Variants in MYO5A observed in about 807,000 individuals in gnomAD.
The protein encoded by MYO5A is unconventional myosin-Va.
In MYO5A, 98 loss-of-function variants were observed where a neutral mutation model predicts 249.7. The ratio of observed to expected loss-of-function variants is 0.39; its 90% CI spans 0.33 to 0.46. The LOEUF is 0.46. Among genes scored for constraint, MYO5A ranks in the 20% least tolerant of loss-of-function variants. The pLI is 0.98. For synonymous variants in MYO5A, 778 were observed against 810.6 expected (o/e 0.96, Z 0.68); for missense variants, 1,696 against 2,308.8 (o/e 0.73, Z 5.44).
intron 1 of MYO5A, among the ~76,000 whole-genome samples, chr15:52,453,666 T>A (rs114594340): frequency 0.015 from 2,233 of 152,244 alleles, 26 homozygotes; most frequent in Admixed American, 0.027. Context: ...ATATTAAATA[T>A]GTAAATTGAG....
chr15:52,327,730 T>C (rs2038678055), intron 36 of MYO5A, 122 bp downstream of exon 36: 2 of 1,076,864 alleles, frequency 1.9e-6, no homozygotes, highest in African/African-American at 1.6e-5. Flanking sequence ...GGTAAGTAAA[T>C]AAAAATTGGA....
At chr15:52,496,866 A>T (rs1372573497) in intron 1 of MYO5A, among the ~76,000 whole-genome samples, 2 of 152,232 alleles carry the variant, frequency 1.3e-5, no homozygotes, top group African/African-American at 4.8e-5. Flanking sequence ...GGTAGTCCTG[A>T]GTTGGCACAA....
chr15:52,447,051 T>A (rs573740412), intron 1 of MYO5A, among the ~76,000 whole-genome samples: 2 of 152,264 alleles, frequency 1.3e-5, no homozygotes, highest in African/African-American at 4.8e-5. Context: ...AAGGTGTGAT[T>A]GTATTTTGCA....
intron 1 of MYO5A, among the ~76,000 whole-genome samples, chr15:52,487,949 A>C (rs2076858317): frequency 1.3e-5 from 2 of 152,156 alleles, no homozygotes; most frequent in South Asian, 4.1e-4. Context: ...GTACCTGACA[A>C]TAGCAACATA....
At chr15:52,348,764 T>A (rs2039784009) in intron 29 of MYO5A, 54 bp downstream of exon 29, 6 of 1,392,436 alleles carry the variant, frequency 4.3e-6, no homozygotes, top group South Asian at 1.4e-5. Context: ...ACTTGTAAAC[T>A]AAAGTTAGGA....
chr15:52,451,895 T>C (rs1030955112), intron 1 of MYO5A, among the ~76,000 whole-genome samples: 3 of 152,248 alleles, frequency 2.0e-5, no homozygotes, highest in Admixed American at 6.5e-5. Context: ...ACCATGAAGA[T>C]AGGAAGATGT....
rs561485938 is a variant in MYO5A at position 52,375,443 on chromosome 15, C to A, written c.2438G>T (p.Arg813Leu). 1 of 1,613,990 alleles carries A rather than the reference C, an allele frequency of 6.2e-7. No individual in the cohort carries two copies. The highest frequency in any genetic ancestry group is 1.1e-5 in the South Asian group (1 of 91,070). ...AATGATGGTTGCTGCCTTGGTTCTG[C>A]GCAGAAACTTAGCATAGCTGGCCAA... ...YQARCYAKFL[R>L]RTKAATIIQK... The change falls in exon 20 of 42, where the codon CGC becomes CTC. Residue 813 changes from arginine to leucine, a missense_variant. This residue lies in a region of MYO5A where 412 missense variants were observed against 453.3 expected (regional missense o/e 0.91). Transcript: ENST00000399233.
intron 1 of MYO5A, among the ~76,000 whole-genome samples, chr15:52,454,268 G>C (rs1595713263): frequency 6.6e-6 from 1 of 152,212 alleles, no homozygotes; most frequent in African/African-American, 2.4e-5. Flanking sequence ...AAGTAACAAA[G>C]AAGGTCACTA....
At chr15:52,347,392 C>T (rs2039694301) in intron 29 of MYO5A, among the ~76,000 whole-genome samples, 2 of 152,174 alleles carry the variant, frequency 1.3e-5, no homozygotes, top group South Asian at 2.1e-4. Flanking sequence ...CTTCAGAACC[C>T]AGTGGCTTTG....
chr15:52,356,059 A>G (rs1369933625), intron 25 of MYO5A, among the ~76,000 whole-genome samples: 1 of 152,190 alleles, frequency 6.6e-6, no homozygotes, highest in Non-Finnish European at 1.5e-5. Flanking sequence ...ATGTTTACCT[A>G]AGGTTTTAAT....
chr15:52,484,406 A>G (rs1416043912), intron 1 of MYO5A, among the ~76,000 whole-genome samples: 1 of 152,172 alleles, frequency 6.6e-6, no homozygotes, highest in Admixed American at 6.5e-5. Flanking sequence ...TATTAAAGAC[A>G]AAAGTATTTT....
Position 52,425,785 on chromosome 15 carries a change from A to G in MYO5A, c.455+45T>C, listed in dbSNP as rs372573071. 2.1e-5 allele frequency: 33 copies of G among 1,601,434 alleles called. 1 individual carries two copies. Among genetic ancestry groups the G allele is most frequent in the Middle Eastern group, 3.3e-4 (2 of 6,060 alleles). On this transcript the variant is annotated intron_variant, in intron 4 of 41. Transcript: ENST00000399233. ...TGTGACTTAGCAAGAAGAAATTATC[A>G]TATCTAATAACTGCCATAAAATAAC...
chr15:52,380,823 G>A (rs1409309630), intron 16 of MYO5A, among the ~76,000 whole-genome samples: 2 of 152,158 alleles, frequency 1.3e-5, no homozygotes, highest in African/African-American at 2.4e-5. Flanking sequence ...TCATTTCATG[G>A]CATGGCCTGA....
chr15:52,325,704 C>T (rs1341894760), intron 36 of MYO5A, among the ~76,000 whole-genome samples: 1 of 151,864 alleles, frequency 6.6e-6, no homozygotes, highest in Non-Finnish European at 1.5e-5. Context: ...ACCCAGCCCA[C>T]TTTTAAACAA....
rs17541809 is a variant in MYO5A at position 52,370,725 on chromosome 15, G to C, written c.2818-308C>G. On this transcript the variant is annotated intron_variant, in intron 21 of 41. Coordinates refer to ENST00000399233, the MANE Select transcript of MYO5A (RefSeq NM_001382347.1). ...TTTCCTGATTCTTAATTCAGAAATA[G>C]GAGGATCTATACTTGTTTTTGAAAA... is the stretch of plus-strand genomic sequence containing the variant. Among the ~76,000 whole-genome samples the C allele has an allele frequency of 0.15, 22,938 of 152,186 alleles. 1,823 individuals carry two copies. Among genetic ancestry groups the C allele is most frequent in the Middle Eastern group, 0.23 (68 of 294 alleles).
At position 52,343,212 on chromosome 15, in the gene MYO5A, GAAC is replaced by G. The variant is rs1366845792; in HGVS notation, c.3960-18_3960-16del. ...GAGCAGATGATCTTCCATGCAAAAG[GAAC>G]AACAATGCAAAACACAAAAGGATAC... On this transcript the variant is annotated splice_polypyrimidine_tract_variant and intron_variant, in intron 30 of 41. Transcript: ENST00000399233. 1.2e-6 allele frequency: 2 copies of G among 1,602,518 alleles called. No homozygotes were observed. Among genetic ancestry groups the G allele is most frequent in the Non-Finnish European group, 1.7e-6 (2 of 1,169,504 alleles).
rs2075526806 is a variant in MYO5A at position 52,431,231 on chromosome 15, C to CAAGAAAAAAAAAA, written c.138+1943_138+1944insTTTTTTTTTTCTT. On this transcript the variant is annotated intron_variant, in intron 2 of 41. Coordinates refer to ENST00000399233, the MANE Select transcript of MYO5A (RefSeq NM_001382347.1). ...TGGGTGACAGAGCAAAATTCCGTCTCAAAAAAAAAAAAAAAGTCTAGTGCA... is the reference window on the plus strand; with the variant it reads ...TGGGTGACAGAGCAAAATTCCGTCTCAAGAAAAAAAAAAAAAAAAAAAAAAAAAGTCTAGTGCA... Among the ~76,000 whole-genome samples, 4 of 45,844 alleles carry CAAGAAAAAAAAAA rather than the reference C, an allele frequency of 8.7e-5. No individual in the cohort carries two copies. The Admixed American group carries it at 1.7e-3, about 19-fold the overall frequency. The allele number at this position is 45,844 out of a possible 152,430, so 30.1% of individuals were successfully genotyped here. A position where few individuals can be genotyped will look rare whatever the true frequency, so the allele number is the denominator to read the frequency against.
chr15:52,471,141 GCT>G (rs2076458457), intron 1 of MYO5A, among the ~76,000 whole-genome samples: 1 of 152,124 alleles, frequency 6.6e-6, no homozygotes, highest in South Asian at 2.1e-4. Context: ...TGGATTAGCA[GCT>G]TTATAGATAA....
At chr15:52,522,748 C>T (rs574572475) in intron 1 of MYO5A, among the ~76,000 whole-genome samples, 13 of 151,852 alleles carry the variant, frequency 8.6e-5, no homozygotes, top group Middle Eastern at 3.4e-3. Context: ...CTCCCATACA[C>T]GAGTTAGCAT....
Sources: allele counts gnomAD v4.1 joint callset (sites outside exome capture counted in the v4.1 genomes callset), GRCh38; gene constraint gnomAD v4.1.1; regional missense constraint gnomAD v4.1.1; transcripts MANE v1.5; gene names NCBI Gene and HGNC (gene_info 2026-07-23, HGNC 2026-07-21).